SMAD2: variants seen among roughly 807,000 people sequenced by gnomAD.
SMAD2 encodes MAD homolog 2.
Under a neutral mutation model 64.4 loss-of-function variants are expected in SMAD2, and 8 were observed. The observed-to-expected ratio is 0.12, with a 90% CI of 0.07 to 0.22. The LOEUF is 0.22. Ranked by LOEUF, SMAD2 falls within the 10% of genes least tolerant of loss-of-function variation. The pLI is 1.00. For missense variants in SMAD2, 289 were observed against 561.2 expected, an observed-to-expected ratio of 0.51 and a Z score of 4.90; for synonymous variants, 203 against 195.8, an observed-to-expected ratio of 1.04 and a Z score of -0.31.
chr18:47,882,041 C>CTTTTTTTTTTTT lies in SMAD2; in HGVS notation c.237-11489_237-11478dup, dbSNP rs71162900. Among the ~76,000 whole-genome samples, 200 of 38,864 alleles carry CTTTTTTTTTTTT rather than the reference C, an allele frequency of 5.1e-3. 38 individuals carry two copies. The highest frequency in any genetic ancestry group is 0.025 in the Middle Eastern group (1 of 40). The allele number at this position is 38,864 out of a possible 152,430, so 25.5% of individuals were successfully genotyped here. On this transcript the variant is annotated intron_variant, in intron 2 of 10. Transcript: ENST00000262160. ...CACAGGAATGTACTACCACGCTTGG[C>CTTTTTTTTTTTT]TTTTTTTTTTTTTTTTTTTTTTTTT... is the stretch of plus-strand genomic sequence containing the variant.
chr18:47,925,303 T>C (rs923338168), intron 1 of SMAD2, among the ~76,000 whole-genome samples: 4 of 152,208 alleles, frequency 2.6e-5, no homozygotes, highest in Middle Eastern at 3.2e-3. Context: ...CGTCAGAATT[T>C]CTATTTTCTT....
chr18:47,843,443 A>T (rs1397129398), intron 10 of SMAD2, among the ~76,000 whole-genome samples: 1 of 152,194 alleles, frequency 6.6e-6, no homozygotes, highest in African/African-American at 2.4e-5. Context: ...CAAGGGGAGT[A>T]GGTTTAAGAA....
chr18:47,888,373 A>C (rs2033017403), intron 2 of SMAD2, among the ~76,000 whole-genome samples: 2 of 152,170 alleles, frequency 1.3e-5, no homozygotes, highest in Admixed American at 6.5e-5. Flanking sequence ...CTGAGAAAAG[A>C]AGCTCTGAGG....
At position 47,816,716 on chromosome 18, in the gene SMAD2, T is replaced by G. The variant is rs759148930; in HGVS notation, c.*25111A>C. ...CCCTCATTTTTCTTTAAAATCTTTGTCTTCCTTTACTTCCCTGAATACACA... is the reference window on the plus strand; with the variant it reads ...CCCTCATTTTTCTTTAAAATCTTTGGCTTCCTTTACTTCCCTGAATACACA... On this transcript the variant is annotated 3_prime_UTR_variant, in exon 11 of 11. Transcript: ENST00000262160. The G allele has an allele frequency of 1.3e-4, 20 of 152,008 alleles. No individual in the cohort carries two copies. The highest frequency in any genetic ancestry group is 2.2e-4 in the Non-Finnish European group (15 of 68,008). 9.4% of individuals were successfully genotyped at this position (152,008 alleles called of 1,614,324 possible).
rs1277872229 is a variant in SMAD2, at chr18:47,930,610, G to C, written c.-303C>G. 1 of 149,774 alleles carries C rather than the reference G, an allele frequency of 6.7e-6. No homozygotes were observed. The highest frequency in any genetic ancestry group is 2.4e-5 in the African/African-American group (1 of 40,864). The allele number at this position is 149,774 out of a possible 1,614,324, so 9.3% of individuals were successfully genotyped here. ...GAGGGGAGGAGAGGGAAGGGGAGGG[G>C]AGGGAGCCTGGCCGCCGCCCGCGGG... is the stretch of plus-strand genomic sequence containing the variant. On this transcript the variant is annotated 5_prime_UTR_variant, in exon 1 of 11. Transcript: ENST00000262160.
chr18:47,892,954 A>T (rs1482387043), intron 2 of SMAD2, among the ~76,000 whole-genome samples: 1 of 152,126 alleles, frequency 6.6e-6, no homozygotes. Context: ...AACTTTACAG[A>T]CCTCCATCCC....
rs1555646120 is a variant in SMAD2, at chr18:47,850,232, T to TTATATATTATATATTATGTATAA, written c.784+1041_784+1042insTTATACATAATATATAATATATA. On this transcript the variant is annotated intron_variant, in intron 7 of 10. Coordinates refer to ENST00000262160, the MANE Select transcript of SMAD2 (RefSeq NM_005901.6). ...TTATTATATATATGTATAATATATATTATATATTATATATTATATATATTA... is the reference window on the plus strand; with the variant it reads ...TTATTATATATATGTATAATATATATTATATATTATATATTATGTATAATATATATTATATATTATATATATTA... Among the ~76,000 whole-genome samples the TTATATATTATATATTATGTATAA allele has an allele frequency of 1.8e-3, 79 of 43,478 alleles. 6 individuals carry two copies. Among genetic ancestry groups the TTATATATTATATATTATGTATAA allele is most frequent in the Non-Finnish European group, 2.9e-3 (75 of 25,494 alleles). 28.5% of individuals were successfully genotyped at this position (43,478 alleles called of 152,430 possible).
At chr18:47,868,279 T>C (rs775171136) in intron 5 of SMAD2, 44 bp downstream of exon 5, 13 of 1,553,366 alleles carry the variant, frequency 8.4e-6, no homozygotes, top group Middle Eastern at 3.5e-4. Flanking sequence ...ATGAACAAAA[T>C]TTGTATCTAT....
Position 47,810,004 on chromosome 18 carries a change from T to C in SMAD2, c.*31823A>G, listed in dbSNP as rs1374487255. The stretch of plus-strand genomic sequence containing the variant: ...CCCAAAGAGGGCTGATATCGTCTGT[T>C]AAATGCTGTAATTACAGAGTTGAAA... On this transcript the variant is annotated 3_prime_UTR_variant, in exon 11 of 11. Transcript: ENST00000262160. 1 of 152,160 alleles carries C rather than the reference T, an allele frequency of 6.6e-6. No individual in the cohort carries two copies. Among genetic ancestry groups the C allele is most frequent in the Non-Finnish European group, 1.5e-5 (1 of 68,032 alleles). The allele number at this position is 152,160 out of a possible 1,614,324, so 9.4% of individuals were successfully genotyped here.
At chr18:47,909,843 C>A (rs1262163323) in intron 1 of SMAD2, among the ~76,000 whole-genome samples, 1 of 152,154 alleles carries the variant, frequency 6.6e-6, no homozygotes, top group Non-Finnish European at 1.5e-5. Context: ...ATGATTCCAA[C>A]ACCAAATATG....
intron 8 of SMAD2, among the ~76,000 whole-genome samples, chr18:47,848,110 G>GA (rs1029402638): frequency 5.5e-4 from 83 of 150,064 alleles, no homozygotes; most frequent in Non-Finnish European, 1.1e-3. Flanking sequence ...TAAAGAAACT[G>GA]AAAAAAAACA....
Position 47,824,516 on chromosome 18 carries a change from T to C in SMAD2, c.*17311A>G, listed in dbSNP as rs912169691. On this transcript the variant is annotated 3_prime_UTR_variant, in exon 11 of 11. Transcript: ENST00000262160. ...ACCTTCCTGAATACACACAGTTTAC[T>C]ATGGCATGCATATTGCCTTCACAAT... 1 of 152,252 alleles carries C rather than the reference T, an allele frequency of 6.6e-6. No individual in the cohort carries two copies. Among genetic ancestry groups the C allele is most frequent in the East Asian group, 1.9e-4 (1 of 5,200 alleles). The allele number at this position is 152,252 out of a possible 1,614,324, so 9.4% of individuals were successfully genotyped here.
chr18:47,897,010 T>TGTAA (rs1394722684), intron 1 of SMAD2, among the ~76,000 whole-genome samples: 3 of 152,228 alleles, frequency 2.0e-5, no homozygotes, highest in African/African-American at 7.2e-5. Flanking sequence ...ACAAGAATGT[T>TGTAA]GTAAGGACTC....
Position 47,917,973 on chromosome 18 carries a change from C to T in SMAD2, c.-54+12388G>A, listed in dbSNP as rs573667819. 5.1e-4 allele frequency among the ~76,000 whole-genome samples: 77 copies of T among 152,278 alleles called. 1 individual carries two copies. In the South Asian group the frequency reaches 0.015, roughly 29 times the overall value. ...CAGTAATTGAACAGATCAGAAACTA[C>T]TAACTCTAGGCTAGCTGTAGGAAAA... On this transcript the variant is annotated intron_variant, in intron 1 of 10. Coordinates refer to ENST00000262160, the MANE Select transcript of SMAD2 (RefSeq NM_005901.6).
At chr18:47,857,556 A>T (rs2030818907) in intron 6 of SMAD2, among the ~76,000 whole-genome samples, 1 of 152,200 alleles carries the variant, frequency 6.6e-6, no homozygotes, top group African/African-American at 2.4e-5. Context: ...ACAAAGAAAA[A>T]TTCTATTTTT....
Position 47,887,939 on chromosome 18 carries a change from G to A in SMAD2, c.236+8582C>T, listed in dbSNP as rs142461563. ...CTCTTGAACTCACGATCTTTATACA[G>A]CCTACAGGTGAGTAACAGGTTTTAA... is the stretch of plus-strand genomic sequence containing the variant. On this transcript the variant is annotated intron_variant, in intron 2 of 10. Coordinates refer to ENST00000262160, the MANE Select transcript of SMAD2 (RefSeq NM_005901.6). 6.4e-3 allele frequency among the ~76,000 whole-genome samples: 977 copies of A among 152,210 alleles called. 3 individuals are homozygous for A. The highest frequency in any genetic ancestry group is 9.1e-3 in the Non-Finnish European group (620 of 68,030).
intron 1 of SMAD2, among the ~76,000 whole-genome samples, chr18:47,914,589 C>T (rs1466960157): frequency 1.3e-5 from 2 of 152,168 alleles, no homozygotes; most frequent in Admixed American, 1.3e-4. Flanking sequence ...AGTGATCTAA[C>T]CATCTCTCAT....
At chr18:47,850,249 T>C (rs1309384548) in intron 7 of SMAD2, among the ~76,000 whole-genome samples, 2 of 78,748 alleles carry the variant, frequency 2.5e-5, no homozygotes, top group African/African-American at 1.2e-4. Context: ...TTATATATTA[T>C]ATATATTATG....
intron 1 of SMAD2, among the ~76,000 whole-genome samples, chr18:47,923,870 C>G (rs1364848882): frequency 1.3e-5 from 2 of 152,170 alleles, no homozygotes; most frequent in African/African-American, 4.8e-5. Flanking sequence ...CAGGCCAAAG[C>G]TGGACCCTCC....
Sources: allele counts gnomAD v4.1 joint callset (sites outside exome capture counted in the v4.1 genomes callset), GRCh38; gene constraint gnomAD v4.1.1; transcripts MANE v1.5; gene names NCBI Gene and HGNC (gene_info 2026-07-23, HGNC 2026-07-21).